Variants in INPP5F observed in about 807,000 individuals in gnomAD.
The protein encoded by INPP5F is phosphatidylinositide 4-phosphatase SAC2.
In INPP5F, 97 loss-of-function variants were observed where a neutral mutation model predicts 137.2. That is an observed-to-expected ratio of 0.71 (90% CI 0.60 to 0.84). The LOEUF (loss-of-function observed/expected upper bound fraction) is 0.84. Ranked by LOEUF, INPP5F falls within the 40% of genes least tolerant of loss-of-function variation. INPP5F has a pLI of 0.00. For missense variants in INPP5F, 1,271 were observed against 1,371.9 expected (o/e 0.93, Z 1.16); for synonymous variants, 504 against 476.9 (o/e 1.06, Z -0.74).
chr10:119,790,048 C>CG (rs1554890459), intron 3 of INPP5F, among the ~76,000 whole-genome samples: 2 of 10,932 alleles, frequency 1.8e-4, no homozygotes, highest in East Asian at 2.6e-3. Context: ...AAAGCCAAAT[C>CG]GGGGGGTGGG....
chr10:119,802,883 AT>A (rs1217275025), intron 9 of INPP5F, among the ~76,000 whole-genome samples: 18 of 152,202 alleles, frequency 1.2e-4, no homozygotes, highest in African/African-American at 4.3e-4. Context: ...TGTGTTTAGT[AT>A]TCACGTTTGC....
chr10:119,765,097 T>A (rs1446284662), intron 2 of INPP5F, among the ~76,000 whole-genome samples: 1 of 151,912 alleles, frequency 6.6e-6, no homozygotes, highest in African/African-American at 2.4e-5. Context: ...CACGCCCAGC[T>A]AATCTTTTGT....
chr10:119,746,005 C>T (rs1017863547), intron 1 of INPP5F, among the ~76,000 whole-genome samples: 1 of 152,070 alleles, frequency 6.6e-6, no homozygotes. Context: ...CCCGACCAGG[C>T]TCATTACTGT....
chr10:119,826,481 G>C, intron 19 of INPP5F, 150 bp from the exon 20 acceptor site: 1 of 641,856 alleles, frequency 1.6e-6, no homozygotes, highest in South Asian at 2.1e-5. Context: ...CTGTTTTAAT[G>C]TCAACTCTGA....
intron 1 of INPP5F, 89 bp downstream of exon 1, chr10:119,726,448 G>C (rs1847892315): frequency 1.4e-6 from 1 of 692,432 alleles, no homozygotes; most frequent in Non-Finnish European, 2.0e-6. Context: ...GGCGGGAGGA[G>C]CCGCCTGCGG....
chr10:119,740,636 G>A (rs1337926159), intron 1 of INPP5F, among the ~76,000 whole-genome samples: 1 of 152,118 alleles, frequency 6.6e-6, no homozygotes, highest in Non-Finnish European at 1.5e-5. Flanking sequence ...TCCGCCTTCT[G>A]GTTTCAAGTG....
At chr10:119,795,036 C>T (rs1367039696) in intron 6 of INPP5F, among the ~76,000 whole-genome samples, 8 of 140,410 alleles carry the variant, frequency 5.7e-5, no homozygotes, top group East Asian at 2.2e-4. Context: ...GCTGACCCCC[C>T]CACCTCCCTC....
chr10:119,731,635 G>T (rs1309482521), intron 1 of INPP5F, among the ~76,000 whole-genome samples: 1 of 152,194 alleles, frequency 6.6e-6, no homozygotes, highest in Non-Finnish European at 1.5e-5. Context: ...CTGTACTCCA[G>T]CCTGGGCAAC....
chr10:119,783,880 G>A (rs778544774), intron 3 of INPP5F, among the ~76,000 whole-genome samples: 3 of 152,174 alleles, frequency 2.0e-5, no homozygotes, highest in African/African-American at 4.8e-5. Context: ...TTGAGTATAC[G>A]TAACGACTCT....
chr10:119,802,341 T>C (rs1267594475), intron 9 of INPP5F, among the ~76,000 whole-genome samples: 1 of 152,172 alleles, frequency 6.6e-6, no homozygotes, highest in African/African-American at 2.4e-5. Flanking sequence ...AGAACCTGTG[T>C]CCTTAATGGT....
chr10:119,793,738 C>G (rs781053200), intron 6 of INPP5F: 11 of 152,256 alleles, frequency 7.2e-5, no homozygotes, highest in Non-Finnish European at 1.5e-4. Flanking sequence ...CTTCACCTCC[C>G]GGGTTCAAGT....
At chr10:119,794,789 G>A (rs1589722742) in intron 6 of INPP5F, among the ~76,000 whole-genome samples, 1 of 125,178 alleles carries the variant, frequency 8.0e-6, no homozygotes, top group African/African-American at 2.8e-5. Context: ...CTGGCCGGGC[G>A]GGGGGCTGAC....
At chr10:119,799,234 T>A (rs549260674) in intron 9 of INPP5F, 1 of 347,100 alleles carries the variant, frequency 2.9e-6, no homozygotes, top group Non-Finnish European at 5.7e-6. Context: ...AATTCTGTTA[T>A]CCATTAGCAG....
intron 13 of INPP5F, among the ~76,000 whole-genome samples, chr10:119,809,838 A>G (rs1045116270): frequency 9.2e-5 from 14 of 152,260 alleles, no homozygotes; most frequent in Non-Finnish European, 1.9e-4. Context: ...TAGAAATTCT[A>G]CAAATTGCCA....
At chr10:119,728,169 A>T (rs1223711745) in intron 1 of INPP5F, among the ~76,000 whole-genome samples, 2 of 152,210 alleles carry the variant, frequency 1.3e-5, no homozygotes, top group Non-Finnish European at 2.9e-5. Flanking sequence ...TGAGATTGGC[A>T]TACTTTTTAG....
In INPP5F at chr10:119,805,361, C is replaced by G. The variant is rs756193264; in HGVS notation, c.1242-23C>G. On this transcript the variant is annotated intron_variant, in intron 10 of 19. Coordinates refer to ENST00000650623, the MANE Select transcript of INPP5F (RefSeq NM_014937.4). Reference sequence around the variant, plus strand: ...TCTATGATTAAATTAAAGATTTTTTCTTTCTTTTGGCATGGATTTTAGCCG... The same window carrying G: ...TCTATGATTAAATTAAAGATTTTTTGTTTCTTTTGGCATGGATTTTAGCCG... 10 of 1,583,690 alleles carry G rather than the reference C, an allele frequency of 6.3e-6. No individual in the cohort carries two copies. The Admixed American group carries it at 1.2e-4, about 19-fold the overall frequency.
At chr10:119,734,041 T>A (rs1848157431) in intron 1 of INPP5F, among the ~76,000 whole-genome samples, 1 of 152,210 alleles carries the variant, frequency 6.6e-6, no homozygotes, top group South Asian at 2.1e-4. Flanking sequence ...ACACTGCCTC[T>A]CTTGCCACCT....
rs192626822 is a variant in INPP5F at position 119,749,924 on chromosome 10, G to A, written c.98-1152G>A. Among the ~76,000 whole-genome samples, 22 of 152,124 alleles carry A rather than the reference G, an allele frequency of 1.4e-4. 1 individual carries two copies. In the East Asian group the frequency reaches 2.3e-3, roughly 16 times the overall value. Reference sequence around the variant, plus strand: ...CTCCTGAGTAGCTGGGACTACAGGCGCGTGCCACCATGCCTGGCTAATTTT... The same window carrying A: ...CTCCTGAGTAGCTGGGACTACAGGCACGTGCCACCATGCCTGGCTAATTTT... On this transcript the variant is annotated intron_variant, in intron 1 of 19. Coordinates refer to ENST00000650623, the MANE Select transcript of INPP5F (RefSeq NM_014937.4).
At chr10:119,805,240 T>G (rs1265462524) in intron 10 of INPP5F, 144 bp from the exon 11 acceptor site, 1 of 597,448 alleles carries the variant, frequency 1.7e-6, no homozygotes, top group Non-Finnish European at 2.9e-6. Context: ...ATTGCCTATA[T>G]AATATATAGT....
Sources: allele counts gnomAD v4.1 joint callset (sites outside exome capture counted in the v4.1 genomes callset), GRCh38; gene constraint gnomAD v4.1.1; transcripts MANE v1.5; gene names NCBI Gene and HGNC (gene_info 2026-07-23, HGNC 2026-07-21).